PCDH15: variants seen among roughly 807,000 people sequenced by gnomAD.
PCDH15 encodes the protein protocadherin-15.
In PCDH15, 129 loss-of-function variants were observed where a neutral mutation model predicts 178.5. That is an observed-to-expected ratio of 0.72 (90% confidence interval 0.63 to 0.84). The LOEUF is 0.84. Ranked by LOEUF, PCDH15 falls within the 40% of genes least tolerant of loss-of-function variation. The pLI is 0.00. For synonymous variants in PCDH15, 800 were observed against 732.0 expected (o/e 1.09, Z -1.50); for missense variants, 2,230 against 2,099.9 (o/e 1.06, Z -1.21).
At chr10:54,006,824 T>G (rs1009713474) in intron 20 of PCDH15, among the ~76,000 whole-genome samples, 2 of 152,148 alleles carry the variant, frequency 1.3e-5, no homozygotes, top group African/African-American at 4.8e-5. Context: ...CAGCCCTTGT[T>G]ACAAGGTGAA....
At chr10:54,052,901 T>C (rs1014872458) in intron 18 of PCDH15, among the ~76,000 whole-genome samples, 8 of 152,120 alleles carry the variant, frequency 5.3e-5, no homozygotes, top group African/African-American at 1.9e-4. Flanking sequence ...TTTCACAAGA[T>C]TGATGGTTTT....
chr10:55,529,741 G>GTATATATATATATATATATATA (rs56254743), intron 2 of PCDH15, among the ~76,000 whole-genome samples: 15 of 62,746 alleles, frequency 2.4e-4, no homozygotes, highest in East Asian at 1.4e-3. Flanking sequence ...TTGTCTGTGA[G>GTATATATATATATATATATATA]TATATATATA....
At chr10:53,971,327 T>C (rs1197285742) in intron 21 of PCDH15, among the ~76,000 whole-genome samples, 1 of 152,144 alleles carries the variant, frequency 6.6e-6, no homozygotes, top group African/African-American at 2.4e-5. Flanking sequence ...CCACAGCCAA[T>C]ATCATACTGA....
chr10:54,928,661 T>A lies in PCDH15; in HGVS notation c.-79-31161A>T, dbSNP rs574932077. On this transcript the variant is annotated intron_variant, in intron 2 of 5. Coordinates refer to the PCDH15 transcript ENST00000458638. ...TTTCATTACTTTTTCTTTAGTCTTT[T>A]CTGACTAACTTATTTCAGAAAGCTG... Among the ~76,000 whole-genome samples the A allele has an allele frequency of 2.6e-5, 4 of 152,286 alleles. No homozygotes were observed. The East Asian group carries it at 7.7e-4, about 29-fold the overall frequency.
intron 1 of PCDH15, among the ~76,000 whole-genome samples, chr10:54,773,393 T>C (rs1418405032): frequency 6.6e-6 from 1 of 152,208 alleles, no homozygotes; most frequent in Non-Finnish European, 1.5e-5. Context: ...TGTGGGATTG[T>C]CTAAAAATTA....
chr10:54,984,547 G>A (rs1218715447), intron 2 of PCDH15, among the ~76,000 whole-genome samples: 1 of 152,148 alleles, frequency 6.6e-6, no homozygotes, highest in Non-Finnish European at 1.5e-5. Context: ...CATAAAAGTA[G>A]ACAGCTTTTG....
intron 23 of PCDH15, among the ~76,000 whole-genome samples, chr10:53,959,392 A>G (rs1310051955): frequency 6.6e-6 from 1 of 151,870 alleles, no homozygotes; most frequent in Non-Finnish European, 1.5e-5. Flanking sequence ...ATTGAATGAA[A>G]TGTTCCACCT....
intron 2 of PCDH15, among the ~76,000 whole-genome samples, chr10:54,608,471 T>A (rs908458419): frequency 6.6e-6 from 1 of 151,926 alleles, no homozygotes; most frequent in African/African-American, 2.4e-5. Flanking sequence ...ATTATCTGGG[T>A]GTGGTGACAC....
intron 28 of PCDH15, among the ~76,000 whole-genome samples, chr10:53,844,334 T>A (rs957895559): frequency 6.6e-6 from 1 of 151,966 alleles, no homozygotes; most frequent in Non-Finnish European, 1.5e-5. Context: ...CTTAAGTACA[T>A]GAAGGTTCAT....
chr10:55,453,909 A>G (rs1298964255), intron 2 of PCDH15, among the ~76,000 whole-genome samples: 3 of 152,156 alleles, frequency 2.0e-5, no homozygotes, highest in Non-Finnish European at 4.4e-5. Context: ...GTACCAAATT[A>G]TGAATATTTG....
intron 1 of PCDH15, among the ~76,000 whole-genome samples, chr10:55,188,889 C>A (rs1839870488): frequency 6.6e-6 from 1 of 151,040 alleles, no homozygotes. Context: ...TTAATTTGGC[C>A]CAAATTTCTA....
chr10:54,803,910 AT>A (rs1249500779), upstream of PCDH15, among the ~76,000 whole-genome samples: 61 of 152,368 alleles, frequency 4.0e-4, no homozygotes, highest in Middle Eastern at 3.4e-3. Flanking sequence ...GAATCATTAA[AT>A]CTATCAACTA....
At chr10:53,839,800 G>T (rs1178661310) in intron 29 of PCDH15, among the ~76,000 whole-genome samples, 1 of 151,890 alleles carries the variant, frequency 6.6e-6, no homozygotes, top group African/African-American at 2.4e-5. Context: ...TTAAGTTCCT[G>T]CTAGGATGAA....
chr10:55,476,603 A>G (rs1840067072), intron 2 of PCDH15, among the ~76,000 whole-genome samples: 1 of 152,054 alleles, frequency 6.6e-6, no homozygotes, highest in African/African-American at 2.4e-5. Flanking sequence ...GCGTACTTGG[A>G]AAGTACAGTT....
Position 54,522,545 on chromosome 10 carries a change from T to C in PCDH15, c.157+5267A>G, listed in dbSNP as rs1337048438. On this transcript the variant is annotated intron_variant, in intron 3 of 37. Coordinates refer to ENST00000644397, the MANE Select transcript of PCDH15 (RefSeq NM_001384140.1). ...TCCTCAAAGAAACAAGTCGTCTATC[T>C]GAAACAGCATCACTGCCTCCTCAGT... is the stretch of plus-strand genomic sequence containing the variant. 7.2e-5 allele frequency among the ~76,000 whole-genome samples: 11 copies of C among 152,218 alleles called. 1 individual carries two copies. The highest frequency in any genetic ancestry group is 1.6e-4 in the Non-Finnish European group (11 of 68,040).
intron 3 of PCDH15, among the ~76,000 whole-genome samples, chr10:54,419,335 T>G (rs1758819): frequency 0.21 from 31,170 of 151,450 alleles, 3,951 homozygotes; most frequent in African/African-American, 0.36. Context: ...ACAAACAAAT[T>G]TATCTAAAAT....
intron 1 of PCDH15, among the ~76,000 whole-genome samples, chr10:55,300,254 G>T (rs17541119): frequency 0.23 from 34,508 of 152,022 alleles, 4,873 homozygotes; most frequent in Admixed American, 0.34. Context: ...AGAGGCCACT[G>T]CTCAAAATGA....
intron 22 of PCDH15, among the ~76,000 whole-genome samples, chr10:53,960,864 A>G (rs1174953321): frequency 6.6e-6 from 1 of 152,214 alleles, no homozygotes; most frequent in Admixed American, 6.5e-5. Flanking sequence ...CTTTATTCAC[A>G]GTGACAAAAA....
At chr10:55,469,963 C>T (rs1839919886) in intron 2 of PCDH15, among the ~76,000 whole-genome samples, 1 of 151,820 alleles carries the variant, frequency 6.6e-6, no homozygotes, top group Admixed American at 6.6e-5. Context: ...TTGTTTTTTC[C>T]ACTTTTTAAA....
Sources: allele counts gnomAD v4.1 joint callset (sites outside exome capture counted in the v4.1 genomes callset), GRCh38; gene constraint gnomAD v4.1.1; transcripts MANE v1.5; gene names NCBI Gene and HGNC (gene_info 2026-07-23, HGNC 2026-07-21).